PLCXD3: variants seen among roughly 807,000 people sequenced by gnomAD.
PLCXD3 encodes the protein phosphatidylinositol specific phospholipase C X domain containing 3, also known as PI-PLC X domain-containing protein 3.
PLCXD3 carries 19 observed loss-of-function variants against 25.5 expected under a neutral mutation model. The observed-to-expected ratio is 0.75, with a 90% CI of 0.52 to 1.09. The LOEUF (loss-of-function observed/expected upper bound fraction) is 1.09, where lower values mean the gene tolerates loss of function less well. Ranked by LOEUF, PLCXD3 falls within the 50% of genes least tolerant of loss-of-function variation. PLCXD3 has a pLI of 0.00. For missense variants in PLCXD3, 411 were observed against 388.1 expected, an observed-to-expected ratio of 1.06 and a Z score of -0.50; for synonymous variants, 174 against 137.6, an observed-to-expected ratio of 1.26 and a Z score of -1.85.
chr5:41,317,267 G>C (rs1580294478), intron 2 of PLCXD3, among the ~76,000 whole-genome samples: 1 of 152,226 alleles, frequency 6.6e-6, no homozygotes, highest in East Asian at 1.9e-4. Flanking sequence ...CATCAAGGTG[G>C]TACCTCTACA....
At chr5:41,347,390 A>G (rs1013497908) in intron 2 of PLCXD3, among the ~76,000 whole-genome samples, 1 of 152,210 alleles carries the variant, frequency 6.6e-6, no homozygotes. Context: ...CATTTATTAG[A>G]TCAGATTCAT....
intron 1 of PLCXD3, among the ~76,000 whole-genome samples, chr5:41,467,934 G>T (rs1748060746): frequency 6.6e-6 from 1 of 151,084 alleles, no homozygotes; most frequent in African/African-American, 2.4e-5. Flanking sequence ...TTTTTATGCA[G>T]GCAACATGAT....
At chr5:41,392,441 A>G (rs1745858112) in intron 1 of PLCXD3, among the ~76,000 whole-genome samples, 1 of 152,196 alleles carries the variant, frequency 6.6e-6, no homozygotes, top group African/African-American at 2.4e-5. Flanking sequence ...ATTATCCTGG[A>G]TCTGAACCAA....
At chr5:41,347,656 G>GATGA (rs1744338052) in intron 2 of PLCXD3, among the ~76,000 whole-genome samples, 1 of 152,186 alleles carries the variant, frequency 6.6e-6, no homozygotes, top group South Asian at 2.1e-4. Context: ...AGACATGGAA[G>GATGA]ATGAATGTGA....
intron 2 of PLCXD3, among the ~76,000 whole-genome samples, chr5:41,374,769 A>C (rs899298077): frequency 5.3e-5 from 8 of 152,106 alleles, no homozygotes; most frequent in Non-Finnish European, 1.0e-4. Flanking sequence ...GTTGAATAGA[A>C]TATTCCAAAT....
At chr5:41,429,004 G>A (rs1302048997) in intron 1 of PLCXD3, among the ~76,000 whole-genome samples, 2 of 152,012 alleles carry the variant, frequency 1.3e-5, no homozygotes, top group Admixed American at 6.6e-5. Context: ...TGGAAGACAC[G>A]GCATCTATTT....
chr5:41,490,295 A>T (rs964119920), intron 1 of PLCXD3, among the ~76,000 whole-genome samples: 3 of 152,194 alleles, frequency 2.0e-5, no homozygotes, highest in African/African-American at 7.2e-5. Flanking sequence ...CCACTTGATC[A>T]TGGTGGATAA....
chr5:41,364,464 C>A (rs1043998486), intron 2 of PLCXD3, among the ~76,000 whole-genome samples: 6 of 152,234 alleles, frequency 3.9e-5, no homozygotes, highest in East Asian at 1.9e-4. Context: ...GATTCCTTCA[C>A]CAAAGGATAC....
intron 1 of PLCXD3, among the ~76,000 whole-genome samples, chr5:41,488,390 C>T (rs199550802): frequency 1.6e-5 from 2 of 123,300 alleles, no homozygotes; most frequent in Non-Finnish European, 3.3e-5. Flanking sequence ...AATAAACATA[C>T]GTGTGCATGT....
chr5:41,466,482 C>A (rs961200056), intron 1 of PLCXD3, among the ~76,000 whole-genome samples: 1 of 151,926 alleles, frequency 6.6e-6, no homozygotes, highest in African/African-American at 2.4e-5. Context: ...TATATGTATA[C>A]AATGTGGCAT....
chr5:41,354,382 A>G (rs944794831), intron 2 of PLCXD3, among the ~76,000 whole-genome samples: 2 of 152,168 alleles, frequency 1.3e-5, no homozygotes, highest in Non-Finnish European at 2.9e-5. Flanking sequence ...TTCTGACTTC[A>G]GTGAATGGCA....
chr5:41,372,250 A>G (rs1745117587), intron 2 of PLCXD3, among the ~76,000 whole-genome samples: 1 of 151,256 alleles, frequency 6.6e-6, no homozygotes, highest in Non-Finnish European at 1.5e-5. Flanking sequence ...CCTATGCCAC[A>G]GTTTTTCAGA....
intron 1 of PLCXD3, among the ~76,000 whole-genome samples, chr5:41,470,445 TTAG>T (rs1469537092): frequency 6.6e-6 from 1 of 152,038 alleles, no homozygotes; most frequent in Non-Finnish European, 1.5e-5. Flanking sequence ...AAGGTGGAAA[TTAG>T]TAGAGCATCA....
chr5:41,351,355 T>C (rs1002682294), intron 2 of PLCXD3, among the ~76,000 whole-genome samples: 2 of 152,174 alleles, frequency 1.3e-5, no homozygotes, highest in Admixed American at 6.5e-5. Flanking sequence ...GTGTGAGCTT[T>C]AGGCTAGCAG....
chr5:41,315,881 A>G (rs1264739897), intron 2 of PLCXD3, among the ~76,000 whole-genome samples: 4 of 152,306 alleles, frequency 2.6e-5, no homozygotes, highest in Middle Eastern at 3.4e-3. Flanking sequence ...AGAGGGAATC[A>G]CAGATCCCAG....
At chr5:41,462,698 T>C (rs1747916543) in intron 1 of PLCXD3, among the ~76,000 whole-genome samples, 1 of 151,682 alleles carries the variant, frequency 6.6e-6, no homozygotes, top group Non-Finnish European at 1.5e-5. Flanking sequence ...GGCAGGAGAA[T>C]CACTTGAACC....
At chr5:41,484,629 G>C (rs1349008444) in intron 1 of PLCXD3, among the ~76,000 whole-genome samples, 1 of 152,070 alleles carries the variant, frequency 6.6e-6, no homozygotes, top group African/African-American at 2.4e-5. Flanking sequence ...TCTGTCCTGA[G>C]GGTCATTTTA....
intron 1 of PLCXD3, among the ~76,000 whole-genome samples, chr5:41,480,128 CTTCCT>C (rs1321779383): frequency 6.6e-6 from 1 of 152,092 alleles, no homozygotes; most frequent in Admixed American, 6.6e-5. Context: ...TGGTGAAAAC[CTTCCT>C]TTCAATAGGA....
chr5:41,316,003 C>T (rs555202077), intron 2 of PLCXD3, among the ~76,000 whole-genome samples: 1 of 152,286 alleles, frequency 6.6e-6, no homozygotes, highest in Admixed American at 6.5e-5. Flanking sequence ...TCTTAGGCAA[C>T]TCCATACTGA....
Sources: gnomAD v4.1 joint callset for allele counts (sites outside exome capture counted in the v4.1 genomes callset) on GRCh38, gnomAD v4.1.1 for gene constraint, MANE v1.5 for transcripts, NCBI Gene and HGNC (gene_info 2026-07-23, HGNC 2026-07-21) for gene names.